Variants in RGS6 observed in about 807,000 individuals in gnomAD.
RGS6 encodes the protein regulator of G protein signaling 6, also known as regulator of G-protein signaling 6.
A neutral mutation model predicts 78.5 loss-of-function variants in RGS6; 30 were observed. The observed-to-expected ratio is 0.38, with a 90% confidence interval of 0.29 to 0.52. RGS6 has a LOEUF of 0.52. RGS6 is among the 20% of genes least tolerant of loss of function. The probability of loss-of-function intolerance (pLI) is 0.85; values close to 1 mark genes in which losing one functional copy is unlikely to be tolerated. For missense variants in RGS6, 495 were observed against 609.7 expected, an observed-to-expected ratio of 0.81 and a Z score of 1.98; for synonymous variants, 206 against 206.0, an observed-to-expected ratio of 1.00 and a Z score of 0.00.
At chr14:72,567,937 ACTGGAT>A (rs1567151793), downstream of RGS6, among the ~76,000 whole-genome samples, 2 of 152,330 alleles carry the variant, frequency 1.3e-5, 1 homozygote, top group East Asian at 3.9e-4. Flanking sequence ...AATGGGGGTT[ACTGGAT>A]CTGCCCCAGA....
At chr14:72,489,156 G>GC (rs35147203) in intron 12 of RGS6, among the ~76,000 whole-genome samples, 26,834 of 142,052 alleles carry the variant, frequency 0.19, 3,137 homozygotes, top group African/African-American at 0.3. Flanking sequence ...GACAAAGGGG[G>GC]CCCCCCCACC....
chr14:72,441,445 G>A (rs920525631), intron 3 of RGS6, among the ~76,000 whole-genome samples: 1 of 152,224 alleles, frequency 6.6e-6, no homozygotes, highest in African/African-American at 2.4e-5. Flanking sequence ...ATCTTAGAAG[G>A]AAAGAGTGGG....
the RGS6 span, among the ~76,000 whole-genome samples, chr14:72,613,464 TCTC>T: frequency 5.9e-5 from 9 of 152,132 alleles, no homozygotes; most frequent in Non-Finnish European, 1.2e-4. Context: ...AATACTCCCT[TCTC>T]CTGGTGGAGC....
At chr14:72,136,383 G>A (rs749409456) in intron 2 of RGS6, among the ~76,000 whole-genome samples, 17 of 152,078 alleles carry the variant, frequency 1.1e-4, no homozygotes, top group Non-Finnish European at 1.0e-4. Context: ...TCATGCTGCT[G>A]AATAAAGACA....
At chr14:72,606,299 C>T in the RGS6 span, among the ~76,000 whole-genome samples, 1 of 152,098 alleles carries the variant, frequency 6.6e-6, no homozygotes, top group African/African-American at 2.4e-5. Context: ...TCCCCAAACC[C>T]GCTAAGTCTA....
intron 2 of RGS6, among the ~76,000 whole-genome samples, chr14:71,971,495 G>A (rs572580249): frequency 6.2e-4 from 95 of 152,038 alleles, no homozygotes; most frequent in Non-Finnish European, 1.1e-3. Flanking sequence ...TCCTCTTCTG[G>A]GTCCGGACAT....
At chr14:72,504,561 C>T (rs1392067153) in intron 13 of RGS6, among the ~76,000 whole-genome samples, 1 of 152,156 alleles carries the variant, frequency 6.6e-6, no homozygotes, top group Non-Finnish European at 1.5e-5. Context: ...ATGGCCTTTA[C>T]CATCTATATT....
At chr14:72,377,758 G>GT (rs748267490) in intron 3 of RGS6, among the ~76,000 whole-genome samples, 69 of 152,248 alleles carry the variant, frequency 4.5e-4, no homozygotes, top group Non-Finnish European at 9.0e-4. Flanking sequence ...CAGGAGGATT[G>GT]TTTGAGCCCA....
At chr14:72,423,699 G>A (rs1305079272) in intron 3 of RGS6, among the ~76,000 whole-genome samples, 1 of 152,112 alleles carries the variant, frequency 6.6e-6, no homozygotes, top group African/African-American at 2.4e-5. Context: ...GGGACGAGGG[G>A]TGAAAAACAA....
chr14:72,150,961 G>T (rs754683167), intron 2 of RGS6, among the ~76,000 whole-genome samples: 1 of 152,108 alleles, frequency 6.6e-6, no homozygotes, highest in Non-Finnish European at 1.5e-5. Context: ...TCTTTATCAG[G>T]TCTATCTTAA....
the RGS6 span, among the ~76,000 whole-genome samples, chr14:71,887,543 A>G: frequency 1.3e-5 from 2 of 152,148 alleles, no homozygotes; most frequent in African/African-American, 4.8e-5. Context: ...AGGTCTATAA[A>G]TGGCTGCTCT....
At chr14:71,958,066 T>C (rs2092926430) in intron 1 of RGS6, among the ~76,000 whole-genome samples, 1 of 152,144 alleles carries the variant, frequency 6.6e-6, no homozygotes. Flanking sequence ...TAGTTTAGCC[T>C]GTCAGGCAGC....
intron 2 of RGS6, among the ~76,000 whole-genome samples, chr14:72,313,718 A>C (rs891726822): frequency 6.6e-6 from 1 of 152,238 alleles, no homozygotes; most frequent in African/African-American, 2.4e-5. Flanking sequence ...GCATCATGAT[A>C]CATACAAAGG....
chr14:72,003,482 A>C (rs1008004235), intron 2 of RGS6, among the ~76,000 whole-genome samples: 2 of 152,198 alleles, frequency 1.3e-5, no homozygotes, highest in African/African-American at 4.8e-5. Context: ...TGTACTTATT[A>C]ATCAACACCT....
chr14:72,528,380 G>A (rs940552515), intron 15 of RGS6, among the ~76,000 whole-genome samples: 4 of 152,136 alleles, frequency 2.6e-5, no homozygotes, highest in African/African-American at 4.8e-5. Context: ...GTGGCTCATC[G>A]GGGTAACATC....
At chr14:72,510,457 C>T (rs186299071) in intron 14 of RGS6, among the ~76,000 whole-genome samples, 178 bp downstream of exon 14, 1 of 152,208 alleles carries the variant, frequency 6.6e-6, no homozygotes, top group Non-Finnish European at 1.5e-5. Context: ...TCTGTCACCA[C>T]CATAATAGCA....
chr14:71,920,169 G>A, the RGS6 span, among the ~76,000 whole-genome samples: 3 of 152,108 alleles, frequency 2.0e-5, no homozygotes, highest in African/African-American at 7.3e-5. Context: ...TCAGACGCAG[G>A]TCTTTGAGAT....
intron 11 of RGS6, 196 bp downstream of exon 11, chr14:72,477,036 A>T: frequency 1.8e-6 from 1 of 565,442 alleles, no homozygotes; most frequent in South Asian, 2.1e-5. Context: ...TTCTCTACCC[A>T]GTTCCTCCAG....
At chr14:72,347,379 G>A (rs1251868195) in intron 2 of RGS6, among the ~76,000 whole-genome samples, 1 of 152,120 alleles carries the variant, frequency 6.6e-6, no homozygotes. Context: ...GCAGTCATTG[G>A]GCAGAAATAA....
Sources: allele counts gnomAD v4.1 joint callset (sites outside exome capture counted in the v4.1 genomes callset), GRCh38; gene constraint gnomAD v4.1.1; transcripts MANE v1.5; gene names NCBI Gene and HGNC (gene_info 2026-07-23, HGNC 2026-07-21).